Variants in ACYP2 observed in about 807,000 individuals in gnomAD.
ACYP2 encodes the protein acylphosphatase 2, also known as acylphosphatase-2.
In ACYP2, 12 loss-of-function variants were observed where a neutral mutation model predicts 11.2. The observed-to-expected ratio is 1.08, with a 90% confidence interval of 0.69 to 1.74. ACYP2 has a LOEUF of 1.74. ACYP2 is among the 40% of genes most tolerant of loss of function. The pLI, the probability that ACYP2 is intolerant of heterozygous loss-of-function variation, is 0.00. For synonymous variants in ACYP2, 43 were observed against 32.2 expected, an observed-to-expected ratio of 1.33 and a Z score of -1.13; for missense variants, 134 against 101.9, an observed-to-expected ratio of 1.31 and a Z score of -1.35.
rs1683118623 is a variant in ACYP2, at chr2:54,168,928, T to C, written c.404+30180T>C. ...TTAAATGGCCTATAAAATAGACAAC[T>C]GAGGTGAAACACTGGTAAGATGAGC... On this transcript the variant is annotated intron_variant, in intron 6 of 6. Coordinates refer to ENST00000607452, the MANE Select transcript of ACYP2 (RefSeq NM_001320586.2). 3.3e-5 allele frequency among the ~76,000 whole-genome samples: 5 copies of C among 152,340 alleles called. No homozygotes were observed. In the South Asian group the frequency reaches 1.0e-3, roughly 32 times the overall value.
intron 6 of ACYP2, among the ~76,000 whole-genome samples, chr2:54,296,080 A>G (rs1199716413): frequency 6.6e-6 from 1 of 152,162 alleles, no homozygotes; most frequent in Non-Finnish European, 1.5e-5. Flanking sequence ...CCTTCTTAGA[A>G]TTTGCATTCT....
chr2:54,045,680 G>A (rs140886910), intron 2 of ACYP2, among the ~76,000 whole-genome samples: 33 of 152,166 alleles, frequency 2.2e-4, no homozygotes, highest in African/African-American at 7.2e-4. Flanking sequence ...GCTGGGTGTG[G>A]TGGCAGTCGC....
chr2:54,118,603 T>G (rs1679953629), intron 4 of ACYP2, among the ~76,000 whole-genome samples: 1 of 152,256 alleles, frequency 6.6e-6, no homozygotes, highest in Non-Finnish European at 1.5e-5. Context: ...GCTATTACAT[T>G]ATATATTTCT....
At chr2:54,083,191 G>C (rs918310402) in intron 4 of ACYP2, among the ~76,000 whole-genome samples, 1 of 152,184 alleles carries the variant, frequency 6.6e-6, no homozygotes, top group Non-Finnish European at 1.5e-5. Flanking sequence ...CCAGCAACAG[G>C]ATCTGTTATT....
chr2:54,244,635 T>C (rs1204626220), intron 6 of ACYP2, among the ~76,000 whole-genome samples: 1 of 152,250 alleles, frequency 6.6e-6, no homozygotes, highest in Non-Finnish European at 1.5e-5. Context: ...GGAATACACC[T>C]TCAACTATTG....
chr2:54,038,640 G>T (rs560912253), intron 2 of ACYP2, among the ~76,000 whole-genome samples: 1 of 122,514 alleles, frequency 8.2e-6, no homozygotes, highest in East Asian at 2.5e-4. Flanking sequence ...CATACAGTAG[G>T]CATTCATTCA....
intron 4 of ACYP2, among the ~76,000 whole-genome samples, chr2:54,111,359 A>T (rs1679450870): frequency 6.6e-6 from 1 of 152,154 alleles, no homozygotes; most frequent in Admixed American, 6.5e-5. Context: ...AAACTAAGGC[A>T]AGGGCGGGGG....
chr2:53,979,808 C>T (rs1345078667), intron 2 of ACYP2, among the ~76,000 whole-genome samples: 1 of 151,734 alleles, frequency 6.6e-6, no homozygotes, highest in Non-Finnish European at 1.5e-5. Flanking sequence ...ATCCTCCCAC[C>T]TCAGCCTCCC....
rs1375853169 is a variant in ACYP2, at chr2:54,141,743, G to A, written c.404+2995G>A. 7.0e-6 allele frequency: 3 copies of A among 428,592 alleles called. No homozygotes were observed. The East Asian group carries it at 9.7e-5, about 14-fold the overall frequency. 26.5% of individuals were successfully genotyped at this position (428,592 alleles called of 1,614,324 possible). On this transcript the variant is annotated intron_variant, in intron 6 of 6. Transcript: ENST00000607452. ...CATTTGTTTCCTCTCTTAACTTTAA[G>A]ATACTTTTACCTATTTAACTGGAAT...
At chr2:54,058,318 A>AAG in intron 4 of ACYP2, among the ~76,000 whole-genome samples, 1 of 150,902 alleles carries the variant, frequency 6.6e-6, no homozygotes, top group East Asian at 1.9e-4. Flanking sequence ...TTAAAAAAAA[A>AAG]AAAAGCAGTA....
chr2:54,089,847 T>C (rs917482521), intron 4 of ACYP2, among the ~76,000 whole-genome samples: 4 of 152,002 alleles, frequency 2.6e-5, no homozygotes, highest in African/African-American at 9.7e-5. Context: ...ACTTTTTAAC[T>C]ATTAAAAAGT....
At chr2:54,039,307 G>T (rs1012369615) in intron 2 of ACYP2, among the ~76,000 whole-genome samples, 1 of 148,674 alleles carries the variant, frequency 6.7e-6, no homozygotes, top group Non-Finnish European at 1.5e-5. Flanking sequence ...TTTTTTGGCG[G>T]GGGGGGACAG....
chr2:54,240,142 C>T (rs1331558891), intron 6 of ACYP2, among the ~76,000 whole-genome samples: 2 of 152,038 alleles, frequency 1.3e-5, no homozygotes, highest in East Asian at 1.9e-4. Context: ...CTGGAATTAA[C>T]GTAATGAAGG....
chr2:54,107,294 G>C (rs1217392621), intron 4 of ACYP2, among the ~76,000 whole-genome samples: 1 of 151,970 alleles, frequency 6.6e-6, no homozygotes, highest in Non-Finnish European at 1.5e-5. Context: ...CATAATACAG[G>C]CTACCTAAGC....
Position 54,115,776 on chromosome 2 carries a change from T to C in ACYP2, c.278-19677T>C, listed in dbSNP as rs1280509839. ...TGCAGGGTAGGAGGCCCCTCTACGG[T>C]GGGAGATCAAAAAGGTTATGGGAGG... is the stretch of plus-strand genomic sequence containing the variant. On this transcript the variant is annotated intron_variant, in intron 4 of 6. Transcript: ENST00000607452. 4 of 1,585,160 alleles carry C rather than the reference T, an allele frequency of 2.5e-6. No homozygotes were observed. Among genetic ancestry groups the C allele is most frequent in the Non-Finnish European group, 3.4e-6 (4 of 1,166,592 alleles).
intron 2 of ACYP2, among the ~76,000 whole-genome samples, chr2:53,993,975 A>G (rs1210627309): frequency 1.3e-5 from 2 of 151,930 alleles, no homozygotes; most frequent in African/African-American, 4.8e-5. Context: ...CACCAGGTCA[A>G]GAAGTTGAGA....
At chr2:54,020,837 A>C (rs1372099154) in intron 2 of ACYP2, among the ~76,000 whole-genome samples, 2 of 152,200 alleles carry the variant, frequency 1.3e-5, no homozygotes, top group Admixed American at 6.5e-5. Flanking sequence ...GCAAATTTTA[A>C]TTTGTTAAGG....
chr2:53,989,040 G>T (rs925745202), intron 2 of ACYP2, among the ~76,000 whole-genome samples: 1 of 152,006 alleles, frequency 6.6e-6, no homozygotes, highest in Non-Finnish European at 1.5e-5. Context: ...GAGCCACCAC[G>T]CCCGGCCTGT....
intron 4 of ACYP2, among the ~76,000 whole-genome samples, chr2:54,060,496 T>A (rs927942464): frequency 6.6e-6 from 1 of 152,194 alleles, no homozygotes; most frequent in Non-Finnish European, 1.5e-5. Flanking sequence ...CCTTTTACTG[T>A]CTTTGTTTCT....
Sources: gnomAD v4.1 joint callset for allele counts (sites outside exome capture counted in the v4.1 genomes callset) on GRCh38, gnomAD v4.1.1 for gene constraint, MANE v1.5 for transcripts, NCBI Gene and HGNC (gene_info 2026-07-23, HGNC 2026-07-21) for gene names.